Variants in DNM3 observed in about 807,000 individuals in gnomAD.
DNM3 encodes dynamin 3.
In DNM3, 47 loss-of-function variants were observed where a neutral mutation model predicts 101.6. The observed-to-expected ratio is 0.46, with a 90% CI of 0.37 to 0.59. The LOEUF is 0.59. Ranked by LOEUF, DNM3 falls within the 20% of genes least tolerant of loss-of-function variation. DNM3 has a pLI of 0.00. For synonymous variants in DNM3, 385 were observed against 387.9 expected (o/e 0.99, Z 0.09); for missense variants, 849 against 1,085.7 (o/e 0.78, Z 3.06).
intron 4 of DNM3, among the ~76,000 whole-genome samples, chr1:171,995,554 G>T (rs1338177578): frequency 6.6e-6 from 1 of 152,028 alleles, no homozygotes; most frequent in African/African-American, 2.4e-5. Context: ...CTTTTCAGAG[G>T]TCCTTATTCC....
intron 14 of DNM3, among the ~76,000 whole-genome samples, chr1:172,153,286 T>A (rs929521648): frequency 6.6e-6 from 1 of 152,104 alleles, no homozygotes; most frequent in African/African-American, 2.4e-5. Context: ...ACGGCAACAG[T>A]TTGGAGGATT....
chr1:171,933,849 A>G (rs1390835082), intron 2 of DNM3, among the ~76,000 whole-genome samples: 1 of 152,104 alleles, frequency 6.6e-6, no homozygotes, highest in Admixed American at 6.6e-5. Context: ...GGATGGGAGG[A>G]CGCCTCCTCT....
chr1:172,220,293 C>T (rs1416389560), intron 14 of DNM3, among the ~76,000 whole-genome samples: 1 of 152,104 alleles, frequency 6.6e-6, no homozygotes, highest in African/African-American at 2.4e-5. Flanking sequence ...CTTGAAATAC[C>T]AGCCTTCTGA....
chr1:172,048,820 A>T, intron 10 of DNM3, 70 bp downstream of exon 10: 1 of 1,539,030 alleles, frequency 6.5e-7, no homozygotes, highest in Non-Finnish European at 8.8e-7. Context: ...TCATTGCATG[A>T]TTCTCTTTCC....
chr1:172,203,850 G>T (rs1558721728), intron 14 of DNM3, among the ~76,000 whole-genome samples: 1 of 152,102 alleles, frequency 6.6e-6, no homozygotes, highest in Non-Finnish European at 1.5e-5. Context: ...TGGTTAAATT[G>T]GTTATTTATG....
chr1:171,926,407 CTAAG>C (rs1189360683), intron 2 of DNM3, among the ~76,000 whole-genome samples: 1 of 152,086 alleles, frequency 6.6e-6, no homozygotes, highest in Admixed American at 6.5e-5. Flanking sequence ...ATTTTATGCA[CTAAG>C]TGTCAAACTT....
intron 2 of DNM3, among the ~76,000 whole-genome samples, chr1:171,951,099 C>T (rs1479004283): frequency 6.6e-6 from 1 of 152,092 alleles, no homozygotes; most frequent in Non-Finnish European, 1.5e-5. Flanking sequence ...TTTTTAAAGG[C>T]TAAATTCTCT....
At chr1:172,209,522 C>T (rs536607743) in intron 14 of DNM3, among the ~76,000 whole-genome samples, 11 of 152,038 alleles carry the variant, frequency 7.2e-5, no homozygotes, top group Admixed American at 5.3e-4. Flanking sequence ...AAGAACTACC[C>T]TGGATAGACT....
chr1:171,917,123 T>C (rs2039777042), intron 1 of DNM3, among the ~76,000 whole-genome samples: 1 of 152,220 alleles, frequency 6.6e-6, no homozygotes. Context: ...TTGAATAAAT[T>C]GGCTCCATGA....
intron 12 of DNM3, among the ~76,000 whole-genome samples, chr1:172,083,970 A>G (rs1246655043): frequency 6.6e-6 from 1 of 152,100 alleles, no homozygotes; most frequent in Non-Finnish European, 1.5e-5. Flanking sequence ...GGGGAGAAAA[A>G]AAGAAGCATA....
chr1:171,979,344 A>G (rs1188060289), intron 2 of DNM3, among the ~76,000 whole-genome samples: 2 of 152,164 alleles, frequency 1.3e-5, no homozygotes, highest in Admixed American at 1.3e-4. Flanking sequence ...AGGTAGATAT[A>G]CCCTAAAGAA....
intron 2 of DNM3, among the ~76,000 whole-genome samples, chr1:171,955,772 C>T (rs1242712048): frequency 6.6e-6 from 1 of 152,154 alleles, no homozygotes; most frequent in African/African-American, 2.4e-5. Context: ...CTGATAAAGA[C>T]ATACCTGAGA....
intron 10 of DNM3, among the ~76,000 whole-genome samples, chr1:172,068,404 G>T (rs1288882075): frequency 6.6e-6 from 1 of 152,152 alleles, no homozygotes. Flanking sequence ...GCTGTGAATA[G>T]TGAAAGAGGT....
chr1:172,202,436 A>C (rs1212823330), intron 14 of DNM3, among the ~76,000 whole-genome samples: 1 of 152,112 alleles, frequency 6.6e-6, no homozygotes, highest in Non-Finnish European at 1.5e-5. Context: ...GAGTTTTACT[A>C]GATTATGTCT....
chr1:171,963,230 G>A (rs1421251825), intron 2 of DNM3, among the ~76,000 whole-genome samples: 2 of 152,132 alleles, frequency 1.3e-5, no homozygotes, highest in African/African-American at 2.4e-5. Flanking sequence ...GCCTTGAAGA[G>A]ACATGGAGAA....
chr1:172,154,999 G>A (rs1463373559), intron 14 of DNM3, among the ~76,000 whole-genome samples: 1 of 152,046 alleles, frequency 6.6e-6, no homozygotes. Flanking sequence ...TAAGGCAGAT[G>A]AGAGGAAAAA....
intron 17 of DNM3, among the ~76,000 whole-genome samples, chr1:172,337,929 A>ATTTTATTT (rs2066519658): frequency 4.5e-5 from 3 of 66,978 alleles, no homozygotes; most frequent in Admixed American, 1.6e-4. Flanking sequence ...TTATTTTATT[A>ATTTTATTT]TTTTGAGACA....
At chr1:172,271,214 T>C (rs1465562209) in intron 15 of DNM3, among the ~76,000 whole-genome samples, 14 of 152,084 alleles carry the variant, frequency 9.2e-5, no homozygotes. Flanking sequence ...TGAGAGTATT[T>C]ATACCAGAAA....
chr1:172,406,837 T>C (rs1006658171), intron 20 of DNM3, among the ~76,000 whole-genome samples: 4 of 151,994 alleles, frequency 2.6e-5, no homozygotes, highest in Non-Finnish European at 5.9e-5. Context: ...AAGGAGTCTT[T>C]CTGAAAAAAT....
Sources: gnomAD v4.1 joint callset for allele counts (sites outside exome capture counted in the v4.1 genomes callset) on GRCh38, gnomAD v4.1.1 for gene constraint, MANE v1.5 for transcripts, NCBI Gene and HGNC (gene_info 2026-07-23, HGNC 2026-07-21) for gene names.